RNF185: variants seen among roughly 807,000 people sequenced by gnomAD.
RNF185 encodes the protein ring finger protein 185.
In RNF185, 13 loss-of-function variants were observed where a neutral mutation model predicts 24.9. That is an observed-to-expected ratio of 0.52 (90% confidence interval 0.34 to 0.83). The LOEUF is 0.83. Ranked by LOEUF, RNF185 falls within the 40% of genes least tolerant of loss-of-function variation. The probability of loss-of-function intolerance (pLI) is 0.01; values close to 1 mark genes in which losing one functional copy is unlikely to be tolerated. For synonymous variants in RNF185, 79 were observed against 90.3 expected, an observed-to-expected ratio of 0.88 and a Z score of 0.71; for missense variants, 184 against 244.7, an observed-to-expected ratio of 0.75 and a Z score of 1.65.
intron 1 of RNF185, among the ~76,000 whole-genome samples, chr22:31,171,628 T>G (rs767791129): frequency 6.6e-6 from 1 of 152,222 alleles, no homozygotes; most frequent in Non-Finnish European, 1.5e-5. Context: ...GGTATCATTT[T>G]GGTTTTATCT....
chr22:31,169,720 T>A (rs1412885410), intron 1 of RNF185, among the ~76,000 whole-genome samples: 1 of 152,070 alleles, frequency 6.6e-6, no homozygotes, highest in Non-Finnish European at 1.5e-5. Flanking sequence ...CTAATTTTTG[T>A]ATTTTTTTGT....
At position 31,165,007 on chromosome 22, in the gene RNF185, T is replaced by G. The variant is rs139475810; in HGVS notation, c.-49+4704T>G. 6.3e-3 allele frequency among the ~76,000 whole-genome samples: 962 copies of G among 152,112 alleles called. 8 individuals are homozygous for G. The highest frequency in any genetic ancestry group is 0.022 in the African/African-American group (930 of 41,488). On this transcript the variant is annotated intron_variant, in intron 1 of 6. Coordinates refer to ENST00000326132, the MANE Select transcript of RNF185 (RefSeq NM_152267.4). ...CTCACCGCAACATCTGCCTCCCAGG[T>G]TCAAGCGATTCTCCTACCTCAGCCT...
At chr22:31,196,324 T>C (rs2048205502) in intron 4 of RNF185, among the ~76,000 whole-genome samples, 1 of 152,208 alleles carries the variant, frequency 6.6e-6, no homozygotes, top group African/African-American at 2.4e-5. Context: ...CAGTGTCATA[T>C]GACTGGCTTT....
In RNF185 at chr22:31,165,325, T is replaced by C. The variant is rs1252078865; in HGVS notation, c.-49+5022T>C. Among the ~76,000 whole-genome samples the C allele has an allele frequency of 2.0e-5, 3 of 152,276 alleles. No homozygotes were observed. The East Asian group carries it at 5.8e-4, about 29-fold the overall frequency. ...CTAGTGGGTGTGAAGTGATATCTCA[T>C]TGTGGTTTTGATTTGCATTTCCTTA... On this transcript the variant is annotated intron_variant, in intron 1 of 6. Coordinates refer to ENST00000326132, the MANE Select transcript of RNF185 (RefSeq NM_152267.4).
Position 31,195,584 on chromosome 22 carries a change from G to A in RNF185, c.308+3G>A. The A allele has an allele frequency of 6.3e-7, 1 of 1,586,224 alleles. No homozygotes were observed. The highest frequency in any genetic ancestry group is 8.6e-7 in the Non-Finnish European group (1 of 1,161,974). On this transcript the variant is annotated splice_donor_region_variant and intron_variant, in intron 4 of 6. Transcript: ENST00000326132. ...AGCACTGGGCAACAGGACCCCAGGT[G>A]AGGACTCAGGATGCCTCTCCCAACC... is the stretch of plus-strand genomic sequence containing the variant.
chr22:31,165,486 A>G (rs573505965), intron 1 of RNF185, among the ~76,000 whole-genome samples: 34 of 152,340 alleles, frequency 2.2e-4, no homozygotes, highest in African/African-American at 7.0e-4. Context: ...GTAGGTATTC[A>G]AAGAGTTTGC....
In RNF185 at chr22:31,204,562, C is replaced by G; in HGVS notation, c.555C>G (p.Ile185Met). Residue 185 changes from isoleucine to methionine, a missense_variant, in exon 7 of 7, where the codon ATC becomes ATG. Coordinates refer to ENST00000326132, the MANE Select transcript of RNF185 (RefSeq NM_152267.4). ...SRLFLFVALVIMFWLLIA is the reference protein window; with the variant it reads ...SRLFLFVALVMMFWLLIA ...TCTTCCTATTTGTGGCCCTGGTGATCATGTTCTGGCTCCTGATTGCCTAAT... is the reference window on the plus strand; with the variant it reads ...TCTTCCTATTTGTGGCCCTGGTGATGATGTTCTGGCTCCTGATTGCCTAAT... 6.3e-7 allele frequency: 1 copy of G among 1,596,024 alleles called. No homozygotes were observed. Among genetic ancestry groups the G allele is most frequent in the Non-Finnish European group, 8.6e-7 (1 of 1,163,930 alleles).
At chr22:31,170,730 G>A (rs1157852497) in intron 1 of RNF185, among the ~76,000 whole-genome samples, 1 of 150,644 alleles carries the variant, frequency 6.6e-6, no homozygotes, top group African/African-American at 2.4e-5. Flanking sequence ...AGGTGGTCTC[G>A]AACTCCTGAC....
intron 1 of RNF185, among the ~76,000 whole-genome samples, chr22:31,186,073 C>A (rs140521990): frequency 2.6e-5 from 4 of 152,114 alleles, no homozygotes; most frequent in African/African-American, 9.6e-5. Flanking sequence ...TTATATTAAC[C>A]TTTTTACTTA....
At position 31,187,129 on chromosome 22, in the gene RNF185, C is replaced by T. The variant is rs1257986250; in HGVS notation, c.35C>T (p.Pro12Leu). The change falls in exon 2 of 7, where the codon CCT becomes CTT. Residue 12 changes from proline to leucine, a missense_variant. By Grantham distance (98) the Pro-to-Leu change is moderately conservative. Transcript: ENST00000326132. ...AAGGGGCCCTCGGCCTCTGCATCTC[C>T]TGAGAACTCCAGTGCAGGGGGGCCC... ...ASKGPSASAS[P>L]ENSSAGGPSG... 6.2e-7 allele frequency: 1 copy of T among 1,612,392 alleles called. No individual in the cohort carries two copies. Among genetic ancestry groups the T allele is most frequent in the African/African-American group, 1.3e-5 (1 of 74,816 alleles).
At chr22:31,173,746 G>A (rs1228440073) in intron 1 of RNF185, among the ~76,000 whole-genome samples, 1 of 152,190 alleles carries the variant, frequency 6.6e-6, no homozygotes, top group Non-Finnish European at 1.5e-5. Flanking sequence ...AGCAGTGTTA[G>A]CTATGTTACT....
chr22:31,162,649 A>G (rs1923650422), intron 1 of RNF185, among the ~76,000 whole-genome samples: 1 of 150,728 alleles, frequency 6.6e-6, no homozygotes, highest in Non-Finnish European at 1.5e-5. Flanking sequence ...AGCACACGTT[A>G]GCAAATTCTG....
intron 1 of RNF185, among the ~76,000 whole-genome samples, chr22:31,162,076 A>G (rs2147912902): frequency 6.6e-6 from 1 of 152,200 alleles, no homozygotes; most frequent in Middle Eastern, 3.4e-3. Context: ...TATTTTGTGC[A>G]TTACAAAGCT....
intron 5 of RNF185, among the ~76,000 whole-genome samples, chr22:31,201,218 A>G (rs1442693074): frequency 6.6e-6 from 1 of 152,254 alleles, no homozygotes; most frequent in Non-Finnish European, 1.5e-5. Flanking sequence ...GACTTATGTC[A>G]GCAGAGTGTT....
Position 31,206,474 on chromosome 22 carries a change from G to GC in RNF185, c.*1892dup, listed in dbSNP as rs1471736222. 1 of 152,160 alleles carries GC rather than the reference G, an allele frequency of 6.6e-6. No individual in the cohort carries two copies. Among genetic ancestry groups the GC allele is most frequent in the Admixed American group, 6.5e-5 (1 of 15,272 alleles). The allele number at this position is 152,160 out of a possible 1,614,324, so 9.4% of individuals were successfully genotyped here. ...TGGTGGGACCCCCCTCAGTGCAGTG[G>GC]CCCCAACTAGTGGAGGGAGAGAGGA... On this transcript the variant is annotated 3_prime_UTR_variant, in exon 7 of 7. Transcript: ENST00000326132.
At chr22:31,178,155 G>T (rs889291882) in intron 1 of RNF185, among the ~76,000 whole-genome samples, 1 of 152,166 alleles carries the variant, frequency 6.6e-6, no homozygotes, top group Non-Finnish European at 1.5e-5. Flanking sequence ...AGTTAGGACT[G>T]TTTTTTAAAA....
At chr22:31,197,870 A>G (rs974871159) in intron 5 of RNF185, among the ~76,000 whole-genome samples, 2 of 152,184 alleles carry the variant, frequency 1.3e-5, no homozygotes, top group Non-Finnish European at 2.9e-5. Context: ...GGCGTGAACC[A>G]CTGTACCTGG....
intron 1 of RNF185, among the ~76,000 whole-genome samples, chr22:31,163,145 G>A (rs1923685453): frequency 6.6e-6 from 1 of 152,078 alleles, no homozygotes; most frequent in African/African-American, 2.4e-5. Flanking sequence ...TAAAATTTCA[G>A]TGTTCATTTC....
chr22:31,189,309 T>C (rs1161842304), intron 2 of RNF185, among the ~76,000 whole-genome samples: 1 of 136,480 alleles, frequency 7.3e-6, no homozygotes, highest in East Asian at 2.1e-4. Flanking sequence ...TTTTTTTTTG[T>C]GGAGACAGCC....
Sources: allele counts gnomAD v4.1 joint callset (sites outside exome capture counted in the v4.1 genomes callset), GRCh38; gene constraint gnomAD v4.1.1; transcripts MANE v1.5; gene names NCBI Gene and HGNC (gene_info 2026-07-23, HGNC 2026-07-21).